The following LDLRAD4 variants were observed in gnomAD, a reference collection of about 807,000 sequenced individuals.
LDLRAD4 encodes the protein low density lipoprotein receptor class A domain containing 4, also known as low-density lipoprotein receptor class A domain-containing protein 4.
In LDLRAD4, 5 loss-of-function variants were observed where a neutral mutation model predicts 17.0. The ratio of observed to expected loss-of-function variants is 0.29; its 90% CI spans 0.15 to 0.62. The LOEUF (loss-of-function observed/expected upper bound fraction) is 0.62, where lower values mean the gene tolerates loss of function less well. Ranked by LOEUF, LDLRAD4 falls within the 20% of genes least tolerant of loss-of-function variation. The pLI, the probability that LDLRAD4 is intolerant of heterozygous loss-of-function variation, is 0.84. For synonymous variants in LDLRAD4, 168 were observed against 171.8 expected, an observed-to-expected ratio of 0.98 and a Z score of 0.17; for missense variants, 340 against 424.7, an observed-to-expected ratio of 0.80 and a Z score of 1.75.
intron 1 of LDLRAD4, among the ~76,000 whole-genome samples, chr18:13,383,183 T>C (rs911913944): frequency 3.3e-5 from 5 of 152,244 alleles, no homozygotes; most frequent in African/African-American, 1.2e-4. Flanking sequence ...CTCTGCGCTG[T>C]GTATAGTACT....
At chr18:13,588,932 T>C (rs1004343632) in intron 3 of LDLRAD4, among the ~76,000 whole-genome samples, 2 of 147,504 alleles carry the variant, frequency 1.4e-5, no homozygotes, top group South Asian at 2.1e-4. Flanking sequence ...TTTCTTTTTT[T>C]CTTTTTTTTT....
intron 2 of LDLRAD4, among the ~76,000 whole-genome samples, chr18:13,388,728 C>T (rs2086024996): frequency 1.3e-5 from 2 of 152,260 alleles, no homozygotes; most frequent in South Asian, 4.1e-4. Context: ...TTGCACTCCT[C>T]CGCAGTCGCC....
intron 3 of LDLRAD4, among the ~76,000 whole-genome samples, chr18:13,545,331 C>T (rs545804398): frequency 1.7e-4 from 26 of 152,302 alleles, no homozygotes; most frequent in South Asian, 1.2e-3. Context: ...GGGGACTCCT[C>T]GGGGACTCTG....
chr18:13,231,014 G>C (rs557909054), intron 1 of LDLRAD4, among the ~76,000 whole-genome samples: 1 of 152,236 alleles, frequency 6.6e-6, no homozygotes, highest in African/African-American at 2.4e-5. Context: ...ACCCTTTTAG[G>C]GCCCACATGC....
At chr18:13,342,738 A>C (rs1394969649) in intron 1 of LDLRAD4, among the ~76,000 whole-genome samples, 1 of 151,794 alleles carries the variant, frequency 6.6e-6, no homozygotes, top group Non-Finnish European at 1.5e-5. Flanking sequence ...CCTTAGATCC[A>C]AAGTTAGTCT....
chr18:13,477,159 C>G (rs1359859641), intron 3 of LDLRAD4, among the ~76,000 whole-genome samples: 1 of 152,116 alleles, frequency 6.6e-6, no homozygotes, highest in Admixed American at 6.5e-5. Flanking sequence ...CCTAATTTTC[C>G]CCAGAGGGGT....
At chr18:13,247,612 G>A (rs765304123) in intron 1 of LDLRAD4, among the ~76,000 whole-genome samples, 2 of 152,200 alleles carry the variant, frequency 1.3e-5, no homozygotes, top group Admixed American at 6.5e-5. Context: ...GCCATGTTCC[G>A]CTTGTCGTGT....
chr18:13,618,974 C>T (rs559554135), intron 3 of LDLRAD4, among the ~76,000 whole-genome samples: 11 of 152,350 alleles, frequency 7.2e-5, no homozygotes, highest in East Asian at 3.9e-4. Context: ...CTGCTGGAGG[C>T]GCACTCGGGC....
At chr18:13,231,170 A>G (rs2042052807) in intron 1 of LDLRAD4, among the ~76,000 whole-genome samples, 3 of 152,192 alleles carry the variant, frequency 2.0e-5, no homozygotes, top group Admixed American at 2.0e-4. Flanking sequence ...TCAGAGGCGT[A>G]TAGATGTCTA....
intron 3 of LDLRAD4, among the ~76,000 whole-genome samples, chr18:13,503,780 T>TAAA (rs5823253): frequency 1.1e-3 from 157 of 149,250 alleles, no homozygotes; most frequent in Admixed American, 2.9e-3. Flanking sequence ...GCTCTTGTTT[T>TAAA]AAAAAAAAAA....
At chr18:13,619,918 C>A (rs749259912) in intron 3 of LDLRAD4, among the ~76,000 whole-genome samples, 2 of 152,032 alleles carry the variant, frequency 1.3e-5, no homozygotes, top group Non-Finnish European at 1.5e-5. Flanking sequence ...AAGACACCAG[C>A]GCCTCTCCTA....
intron 3 of LDLRAD4, among the ~76,000 whole-genome samples, chr18:13,444,588 C>T (rs1422139172): frequency 6.6e-6 from 1 of 152,152 alleles, no homozygotes; most frequent in African/African-American, 2.4e-5. Context: ...CCAAATTGTT[C>T]AAAGGTCAGC....
chr18:13,407,311 A>T (rs1436990796), intron 2 of LDLRAD4, among the ~76,000 whole-genome samples: 3 of 152,190 alleles, frequency 2.0e-5, no homozygotes, highest in Non-Finnish European at 2.9e-5. Context: ...TGATAGGAAA[A>T]TGTAATTTTT....
chr18:13,621,712 C>G lies in LDLRAD4; in HGVS notation c.336+441C>G, dbSNP rs1393342686. Among the ~76,000 whole-genome samples the G allele has an allele frequency of 2.6e-5, 4 of 152,172 alleles. No homozygotes were observed. Among genetic ancestry groups the G allele is most frequent in the Non-Finnish European group, 4.4e-5 (3 of 68,036 alleles). On this transcript the variant is annotated intron_variant, in intron 4 of 5. Coordinates refer to ENST00000359446, the Ensembl canonical transcript of LDLRAD4. The surrounding 1 kb of genome is among the most constrained non-coding windows in gnomAD (Gnocchi z 5.5). ...CACGCGCTCATCGTCACTAAACGTG[C>G]CGGCAGCACATGGGTGCCATGAGCT...
At chr18:13,625,779 C>T (rs1414655388) in intron 4 of LDLRAD4, among the ~76,000 whole-genome samples, 5 of 112,264 alleles carry the variant, frequency 4.5e-5, no homozygotes, top group South Asian at 3.7e-4. Flanking sequence ...CTCCTCCCCC[C>T]GCCAGCACCC....
chr18:13,306,741 T>C (rs932403012), intron 1 of LDLRAD4, among the ~76,000 whole-genome samples: 4 of 152,176 alleles, frequency 2.6e-5, no homozygotes, highest in African/African-American at 9.7e-5. Flanking sequence ...TCTGTCCAGA[T>C]GTTGTGCATG....
intron 4 of LDLRAD4, among the ~76,000 whole-genome samples, chr18:13,631,734 C>T (rs1458379718): frequency 6.6e-6 from 1 of 152,088 alleles, no homozygotes; most frequent in Non-Finnish European, 1.5e-5. Context: ...TCGAGACCAG[C>T]CTGGCCAACA....
At chr18:13,588,879 G>A (rs756125788) in intron 3 of LDLRAD4, among the ~76,000 whole-genome samples, 3 of 151,628 alleles carry the variant, frequency 2.0e-5, no homozygotes, top group Non-Finnish European at 4.4e-5. Context: ...AAAGCTCTGC[G>A]GAATCATCTA....
intron 3 of LDLRAD4, among the ~76,000 whole-genome samples, chr18:13,442,315 C>T (rs767343215): frequency 6.6e-6 from 1 of 152,172 alleles, no homozygotes; most frequent in African/African-American, 2.4e-5. Context: ...GAGGGCCGAG[C>T]GGGTCCAGTC....
Sources: gnomAD v4.1 joint callset for allele counts (sites outside exome capture counted in the v4.1 genomes callset) on GRCh38, gnomAD v4.1.1 for gene constraint, Gnocchi (gnomAD v3.1) non-coding constraint, MANE v1.5 for transcripts, NCBI Gene and HGNC (gene_info 2026-07-23, HGNC 2026-07-21) for gene names.